Variants in B4GALNT4 observed in about 807,000 individuals in gnomAD.
The protein encoded by B4GALNT4 is beta-1,4-N-acetyl-galactosaminyltransferase 4, also known as N-acetyl-beta-glucosaminyl-glycoprotein 4-beta-N-acetylgalactosaminyltransferase 1.
B4GALNT4 carries 77 observed loss-of-function variants against 110.0 expected under a neutral mutation model. The observed-to-expected ratio is 0.70, with a 90% CI of 0.58 to 0.85. B4GALNT4 has a LOEUF of 0.85. Ranked by LOEUF, B4GALNT4 falls within the 40% of genes least tolerant of loss-of-function variation. B4GALNT4 has a pLI of 0.00. For synonymous variants in B4GALNT4, 785 were observed against 655.5 expected, an observed-to-expected ratio of 1.20 and a Z score of -3.02; for missense variants, 1,575 against 1,506.0, an observed-to-expected ratio of 1.05 and a Z score of -0.76.
chr11:381,902 C>T lies in B4GALNT4; in HGVS notation c.*110C>T. On this transcript the variant is annotated 3_prime_UTR_variant, in exon 20 of 20. Coordinates refer to ENST00000329962, the MANE Select transcript of B4GALNT4 (RefSeq NM_178537.5). ...GCAGGGCTGGTCAGAGGGGCACAGC[C>T]ACCGCCTGTGCCTGCCCCTCTCTGG... 1 of 1,297,488 alleles carries T rather than the reference C, an allele frequency of 7.7e-7. No homozygotes were observed. The highest frequency in any genetic ancestry group is 1.6e-5 in the African/African-American group (1 of 63,596). 80.4% of individuals were successfully genotyped at this position (1,297,488 alleles called of 1,614,324 possible). A position where few individuals can be genotyped will look rare whatever the true frequency, so the allele number is the denominator to read the frequency against.
chr11:372,623 C>T (rs967018173), intron 2 of B4GALNT4, 39 bp from the exon 3 acceptor site: 6 of 1,550,026 alleles, frequency 3.9e-6, no homozygotes, highest in Non-Finnish European at 5.3e-6. Flanking sequence ...TCCTCCCTGC[C>T]CTTCCAACCC....
chr11:379,281 G>A (rs568955929), intron 14 of B4GALNT4, 137 bp from the exon 15 acceptor site: 2 of 962,436 alleles, frequency 2.1e-6, no homozygotes, highest in South Asian at 3.8e-5. Flanking sequence ...CAACCTGGAG[G>A]GGCAGGTGCT....
In B4GALNT4 at chr11:371,454, C is replaced by G. The variant is rs150492291; in HGVS notation, c.152-655C>G. Among the ~76,000 whole-genome samples the G allele has an allele frequency of 4.4e-4, 67 of 152,270 alleles. 1 individual carries two copies. The East Asian group carries it at 0.011, about 26-fold the overall frequency. The stretch of plus-strand genomic sequence containing the variant: ...TCCCCACTGCAGCCCCAGGGGGTTC[C>G]ACGCCCTGGGATCTGAGCATCTGTA... On this transcript the variant is annotated intron_variant, in intron 1 of 19. Coordinates refer to ENST00000329962, the MANE Select transcript of B4GALNT4 (RefSeq NM_178537.5).
Position 377,315 on chromosome 11 carries a change from C to G in B4GALNT4, c.2192C>G (p.Ala731Gly). The G allele has an allele frequency of 6.5e-7, 1 of 1,542,070 alleles. No homozygotes were observed. Among genetic ancestry groups the G allele is most frequent in the South Asian group, 1.2e-5 (1 of 82,642 alleles). The change falls in exon 14 of 20, where the codon GCG (alanine) becomes GGG (glycine). Residue 731 changes from alanine to glycine, a missense_variant. Ala to Gly is a moderately conservative substitution (Grantham distance 60). Coordinates refer to ENST00000329962, the MANE Select transcript of B4GALNT4 (RefSeq NM_178537.5). ...VTAQYMERLN[A>G]RHGGRFALLR... is the part of the protein sequence containing the mutation. ...GCTCAGTACATGGAGCGGCTGAACG[C>G]GCGCCACGGCGGGTATGGGGGCGGC...
At chr11:371,302 G>A in intron 1 of B4GALNT4, among the ~76,000 whole-genome samples, 1 of 152,144 alleles carries the variant, frequency 6.6e-6, no homozygotes, top group East Asian at 1.9e-4. Context: ...AGTCAGGGGA[G>A]CCCTGGGGGA....
At chr11:371,911 G>A (rs1228127436) in intron 1 of B4GALNT4, among the ~76,000 whole-genome samples, 198 bp from the exon 2 acceptor site, 2 of 152,258 alleles carry the variant, frequency 1.3e-5, no homozygotes, top group African/African-American at 2.4e-5. Context: ...GTGGGGTGTA[G>A]AAGAAGTTGC....
rs752135898 is a variant in B4GALNT4, at chr11:372,938, G to A, written c.435G>A (p.Leu145=). Residue 145 remains leucine (L), a synonymous_variant, in exon 4 of 20, where the codon CTG becomes CTA. Transcript: ENST00000329962. ...GHLRRNLHFP[L]FPHTRTTVKK... Reference sequence around the variant, plus strand: ...TGAGGAGGAACCTGCACTTCCCGCTGTTCCCTCATGTGAGTGCCGGGGTTG... The same window carrying A: ...TGAGGAGGAACCTGCACTTCCCGCTATTCCCTCATGTGAGTGCCGGGGTTG... 145 of 1,611,112 alleles carry A rather than the reference G, an allele frequency of 9.0e-5. No individual in the cohort carries two copies. Among genetic ancestry groups the A allele is most frequent in the Non-Finnish European group, 1.2e-4 (142 of 1,179,614 alleles).
At position 379,721 on chromosome 11, in the gene B4GALNT4, G is replaced by T. The variant is rs372436302; in HGVS notation, c.2488+20G>T. 249 of 1,501,722 alleles carry T rather than the reference G, an allele frequency of 1.7e-4. No homozygotes were observed. The highest frequency in any genetic ancestry group is 2.1e-4 in the Non-Finnish European group (239 of 1,128,432). 93.0% of individuals were successfully genotyped at this position (1,501,722 alleles called of 1,614,324 possible). On this transcript the variant is annotated intron_variant, in intron 15 of 19. Transcript: ENST00000329962. ...TGCCAGGTTCGCAGGGCGGGCTCGGGGTGTCCGGGAGACCTCGTGGAAGGA... is the reference window on the plus strand; with the variant it reads ...TGCCAGGTTCGCAGGGCGGGCTCGGTGTGTCCGGGAGACCTCGTGGAAGGA...
chr11:375,605 G>C (rs373642562), intron 9 of B4GALNT4, 34 bp from the exon 10 acceptor site: 4 of 1,598,508 alleles, frequency 2.5e-6, no homozygotes, highest in Middle Eastern at 1.7e-4. Flanking sequence ...GGAGGAGGGG[G>C]TCTGAGCACT....
chr11:373,855 T>A (rs1186506220), intron 8 of B4GALNT4, 27 bp downstream of exon 8: 1 of 1,606,144 alleles, frequency 6.2e-7, no homozygotes, highest in Non-Finnish European at 8.5e-7. Context: ...CCTGGGGGCT[T>A]CTGGAGACTC....
At chr11:379,216 C>T (rs1846820533) in intron 14 of B4GALNT4, among the ~76,000 whole-genome samples, 2 of 152,214 alleles carry the variant, frequency 1.3e-5, no homozygotes, top group African/African-American at 4.8e-5. Flanking sequence ...GGTGTGCCCC[C>T]AGTCCTGCCC....
In B4GALNT4 at chr11:377,282, A is replaced by T. The variant is rs1307196216; in HGVS notation, c.2159A>T (p.Asp720Val). ...CAGCTGCCGGAGGCGGAGGCCGTGGACGTGACCGCTCAGTACATGGAGCGG... is the reference window on the plus strand; with the variant it reads ...CAGCTGCCGGAGGCGGAGGCCGTGGTCGTGACCGCTCAGTACATGGAGCGG... ...NLQLPEAEAVDVTAQYMERLN... is the reference protein window; with the variant it reads ...NLQLPEAEAVVVTAQYMERLN... The change falls in exon 14 of 20, where the codon GAC (aspartate) becomes GTC (valine). Residue 720 changes from aspartate (D) to valine (V), a missense_variant. Transcript: ENST00000329962. 6.3e-7 allele frequency: 1 copy of T among 1,591,314 alleles called. No individual in the cohort carries two copies. The highest frequency in any genetic ancestry group is 1.7e-5 in the Admixed American group (1 of 57,212).
Position 376,088 on chromosome 11 carries a change from C to G in B4GALNT4, c.1110C>G (p.Phe370Leu). Residue 370 changes from phenylalanine (F) to leucine (L), a missense_variant, in exon 12 of 20, where the codon TTC (phenylalanine) becomes TTG (leucine). By Grantham distance (22) the Phe-to-Leu change is conservative. Coordinates refer to ENST00000329962, the MANE Select transcript of B4GALNT4 (RefSeq NM_178537.5). Reference protein sequence around the residue: ...YQGLQFVYLSFVYPNDYTRLT... With the variant: ...YQGLQFVYLSLVYPNDYTRLT... The stretch of plus-strand genomic sequence containing the variant: ...CCACCCCCCAGGTGTACCTGTCCTT[C>G]GTTTATCCCAACGACTACACTCGCC... The G allele has an allele frequency of 6.2e-7, 1 of 1,602,370 alleles. No individual in the cohort carries two copies. The highest frequency in any genetic ancestry group is 8.5e-7 in the Non-Finnish European group (1 of 1,171,014).
Position 373,073 on chromosome 11 carries a change from C to T in B4GALNT4, c.492C>T (p.Asn164=), listed in dbSNP as rs1438570894. The T allele has an allele frequency of 1.2e-6, 2 of 1,612,498 alleles. No homozygotes were observed. Among genetic ancestry groups the T allele is most frequent in the Non-Finnish European group, 1.7e-6 (2 of 1,179,868 alleles). ...KKLAVSPKWK[N]YGLRIFGFIH... ...TGGCCGTGTCCCCCAAGTGGAAGAA[C>T]TATGGACTCCGTATTTTTGGTTTCA... is the stretch of plus-strand genomic sequence containing the variant. Residue 164 remains asparagine (N), a synonymous_variant, in exon 5 of 20, where the codon AAC becomes AAT. Coordinates refer to ENST00000329962, the MANE Select transcript of B4GALNT4 (RefSeq NM_178537.5).
chr11:371,004 A>G (rs550749673), intron 1 of B4GALNT4, among the ~76,000 whole-genome samples: 81 of 152,240 alleles, frequency 5.3e-4, no homozygotes, highest in Middle Eastern at 3.4e-3. Flanking sequence ...CCCAGCTATC[A>G]GCAGACAGGG....
intron 14 of B4GALNT4, among the ~76,000 whole-genome samples, chr11:377,752 T>C (rs888276586): frequency 3.9e-5 from 6 of 152,128 alleles, no homozygotes; most frequent in African/African-American, 1.4e-4. Context: ...CCTCCTCCTC[T>C]CCCCTCGCAG....
Position 372,229 on chromosome 11 carries a change from G to A in B4GALNT4, c.255+17G>A. On this transcript the variant is annotated intron_variant, in intron 2 of 19. Coordinates refer to ENST00000329962, the MANE Select transcript of B4GALNT4 (RefSeq NM_178537.5). ...GAGCAAGCGGTGAGCAGAGCCCTGG[G>A]GAGAACACGTGTGCACGGAGACGAG... The A allele has an allele frequency of 1.9e-6, 3 of 1,547,986 alleles. No individual in the cohort carries two copies.
intron 1 of B4GALNT4, 57 bp from the exon 2 acceptor site, chr11:372,052 G>A: frequency 7.0e-7 from 1 of 1,427,614 alleles, no homozygotes; most frequent in Non-Finnish European, 9.6e-7. Context: ...CCAGCAGCAG[G>A]CAGAATGGCC....
At chr11:380,089 CCCCA>C (rs1846842224) in intron 16 of B4GALNT4, 37 bp from the exon 17 acceptor site, 1 of 1,591,664 alleles carries the variant, frequency 6.3e-7, no homozygotes, top group Admixed American at 1.7e-5. Flanking sequence ...GTTTTCCTGA[CCCCA>C]CCCCCAGAGA....
Sources: gnomAD v4.1 joint callset for allele counts (sites outside exome capture counted in the v4.1 genomes callset) on GRCh38, gnomAD v4.1.1 for gene constraint, MANE v1.5 for transcripts, NCBI Gene and HGNC (gene_info 2026-07-23, HGNC 2026-07-21) for gene names.